NSG1: variants seen among roughly 807,000 people sequenced by gnomAD.
The protein encoded by NSG1 is neuronal vesicle trafficking associated 1, also known as neuronal vesicle trafficking-associated protein 1.
NSG1 carries 9 observed loss-of-function variants against 19.3 expected under a neutral mutation model. That is an observed-to-expected ratio of 0.47 (90% CI 0.28 to 0.81). NSG1 has a LOEUF of 0.81. NSG1 is among the 40% of genes least tolerant of loss of function. The pLI is 0.11. For missense variants in NSG1, 236 were observed against 242.4 expected, an observed-to-expected ratio of 0.97 and a Z score of 0.18; for synonymous variants, 104 against 107.0, an observed-to-expected ratio of 0.97 and a Z score of 0.17.
chr4:4,402,241 G>C (rs1263527589), intron 3 of NSG1, among the ~76,000 whole-genome samples: 1 of 147,916 alleles, frequency 6.8e-6, no homozygotes, highest in African/African-American at 2.5e-5. Context: ...GGGTTTTGCT[G>C]TGTAGCCCAG....
At position 4,404,215 on chromosome 4, in the gene NSG1, A is replaced by G. The variant is rs544880651; in HGVS notation, c.247-5358A>G. On this transcript the variant is annotated intron_variant, in intron 3 of 4. Coordinates refer to ENST00000621129, the MANE Select transcript of NSG1 (RefSeq NM_014392.5). ...TTGGAGGTGCTGCCTTTTCAATGAC[A>G]AGGCGTTTGTTATGTGTAAAGAAAG... Among the ~76,000 whole-genome samples, 6 of 152,330 alleles carry G rather than the reference A, an allele frequency of 3.9e-5. No individual in the cohort carries two copies. In the South Asian group the frequency reaches 1.0e-3, roughly 26 times the overall value.
rs939467600 is a variant in NSG1 at position 4,391,495 on chromosome 4, C to T, written c.150C>T (p.Thr50=). 1.4e-5 allele frequency: 22 copies of T among 1,610,824 alleles called. No homozygotes were observed. The highest frequency in any genetic ancestry group is 4.4e-5 in the South Asian group (4 of 90,708). Residue 50 remains threonine, a synonymous_variant, in exon 3 of 5, where the codon ACC becomes ACT. Coordinates refer to ENST00000621129, the MANE Select transcript of NSG1 (RefSeq NM_014392.5). ...PPDKVVVKTK[T]EYEPDRKKGK... ...ATAAGGTGGTCGTGAAAACTAAGAC[C>T]GAGTATGAACCTGACCGCAAGAAAG...
chr4:4,408,785 G>A (rs115765863), intron 3 of NSG1, among the ~76,000 whole-genome samples: 1,721 of 152,218 alleles, frequency 0.011, 29 homozygotes, highest in African/African-American at 0.039. Context: ...ACATACTCTC[G>A]TCCCTGCCAG....
chr4:4,402,418 T>G (rs11721826), intron 3 of NSG1, among the ~76,000 whole-genome samples: 1 of 131,816 alleles, frequency 7.6e-6, no homozygotes, highest in Non-Finnish European at 1.6e-5. Flanking sequence ...GACGGAGTCT[T>G]GCTCTGTCGC....
Position 4,392,455 on chromosome 4 carries a change from TTTGC to T in NSG1, c.246+868_246+871del, listed in dbSNP as rs1001115821. 2.8e-4 allele frequency among the ~76,000 whole-genome samples: 43 copies of T among 152,152 alleles called. 1 individual carries two copies. Among genetic ancestry groups the T allele is most frequent in the African/African-American group, 1.0e-3 (42 of 41,514 alleles). ...ACCCTCCACTTGGCAGTGTGAGCAG[TTTGC>T]TTGTGCTGGGGGCACAGGGACTCCC... On this transcript the variant is annotated intron_variant, in intron 3 of 4. Coordinates refer to ENST00000621129, the MANE Select transcript of NSG1 (RefSeq NM_014392.5).
intron 3 of NSG1, among the ~76,000 whole-genome samples, chr4:4,408,063 T>C (rs1042696072): frequency 1.3e-5 from 2 of 152,112 alleles, no homozygotes; most frequent in African/African-American, 4.8e-5. Context: ...GGGACGCCCT[T>C]GGTCTCCTAT....
At chr4:4,399,073 A>G (rs1323050539) in intron 3 of NSG1, among the ~76,000 whole-genome samples, 1 of 152,104 alleles carries the variant, frequency 6.6e-6, no homozygotes, top group Non-Finnish European at 1.5e-5. Flanking sequence ...CTTGTTGGCC[A>G]TTTGTATCTC....
rs967851758 is a variant in NSG1 at position 4,418,786 on chromosome 4, T to G, written c.*1351T>G. The G allele has an allele frequency of 1.3e-5, 2 of 152,490 alleles. No individual in the cohort carries two copies. The highest frequency in any genetic ancestry group is 2.9e-5 in the Non-Finnish European group (2 of 68,032). The allele number at this position is 152,490 out of a possible 1,614,324, so 9.4% of individuals were successfully genotyped here. A position where few individuals can be genotyped will look rare whatever the true frequency, so the allele number is the denominator to read the frequency against. On this transcript the variant is annotated 3_prime_UTR_variant, in exon 5 of 5. Coordinates refer to ENST00000621129, the MANE Select transcript of NSG1 (RefSeq NM_014392.5). The stretch of plus-strand genomic sequence containing the variant: ...AGAAAATGTATTTTCTCATCAAGGG[T>G]GTCTGGAGACACAGACCGTGACCTT...
At chr4:4,413,551 G>A (rs1724343367) in intron 4 of NSG1, among the ~76,000 whole-genome samples, 1 of 151,028 alleles carries the variant, frequency 6.6e-6, no homozygotes, top group Admixed American at 6.6e-5. Flanking sequence ...CAGTGGGAAG[G>A]GGTTTGTGAT....
At chr4:4,388,853 G>A (rs536808802) in intron 2 of NSG1, among the ~76,000 whole-genome samples, 111 of 152,312 alleles carry the variant, frequency 7.3e-4, no homozygotes, top group Non-Finnish European at 1.3e-3. Flanking sequence ...GGCTGGCAGC[G>A]GGGGTTTCAG....
intron 3 of NSG1, among the ~76,000 whole-genome samples, chr4:4,402,418 T>C (rs11721826): frequency 0.34 from 44,127 of 131,622 alleles, 10,654 homozygotes; most frequent in African/African-American, 0.7. Flanking sequence ...GACGGAGTCT[T>C]GCTCTGTCGC....
intron 1 of NSG1, among the ~76,000 whole-genome samples, chr4:4,387,381 C>A (rs1419952402): frequency 6.6e-6 from 1 of 152,174 alleles, no homozygotes; most frequent in African/African-American, 2.4e-5. Flanking sequence ...TGCGCCCTTG[C>A]GCCCGGCGCT....
intron 3 of NSG1, among the ~76,000 whole-genome samples, chr4:4,400,001 T>C (rs1468875183): frequency 1.3e-5 from 2 of 152,228 alleles, no homozygotes; most frequent in African/African-American, 2.4e-5. Flanking sequence ...CATGGACTGG[T>C]ACTGGTCTGC....
At chr4:4,407,332 G>C (rs1239894656) in intron 3 of NSG1, among the ~76,000 whole-genome samples, 1 of 152,172 alleles carries the variant, frequency 6.6e-6, no homozygotes, top group Non-Finnish European at 1.5e-5. Flanking sequence ...CCCTCCCTAG[G>C]TGAAGGGACA....
At chr4:4,412,721 C>T (rs547310342) in intron 4 of NSG1, among the ~76,000 whole-genome samples, 2 of 152,194 alleles carry the variant, frequency 1.3e-5, no homozygotes, top group African/African-American at 2.4e-5. Flanking sequence ...TGTGGGCTCC[C>T]GTTATCCATA....
chr4:4,414,416 G>T lies in NSG1; in HGVS notation c.358-2819G>T, dbSNP rs1007613652. ...TGTGGGACTTTGGCATTTTCCACTA[G>T]CATCTAATGAGGGGGTGTCCTTTCC... On this transcript the variant is annotated intron_variant, in intron 4 of 4. Transcript: ENST00000621129. Among the ~76,000 whole-genome samples, 75 of 151,622 alleles carry T rather than the reference G, an allele frequency of 4.9e-4. No individual in the cohort carries two copies. In the Middle Eastern group the frequency reaches 0.01, roughly 21 times the overall value.
At chr4:4,414,889 C>T (rs984939432) in intron 4 of NSG1, among the ~76,000 whole-genome samples, 10 of 151,738 alleles carry the variant, frequency 6.6e-5, no homozygotes, top group African/African-American at 2.2e-4. Flanking sequence ...TGAGGCATAT[C>T]GTGAGGAGGG....
intron 3 of NSG1, among the ~76,000 whole-genome samples, chr4:4,407,946 C>T (rs142513573): frequency 7.3e-4 from 111 of 152,176 alleles, no homozygotes; most frequent in African/African-American, 2.2e-3. Context: ...GGAGGGTTAG[C>T]CTCAGCATTC....
chr4:4,409,710 C>CT, intron 4 of NSG1, 27 bp downstream of exon 4: 1 of 1,553,396 alleles, frequency 6.4e-7, no homozygotes, highest in Non-Finnish European at 8.9e-7. Flanking sequence ...CCCCAGAGGC[C>CT]CTGGGACGCC....
Sources: allele counts gnomAD v4.1 joint callset (sites outside exome capture counted in the v4.1 genomes callset), GRCh38; gene constraint gnomAD v4.1.1; transcripts MANE v1.5; gene names NCBI Gene and HGNC (gene_info 2026-07-23, HGNC 2026-07-21).